GEMIN2: variants seen among roughly 807,000 people sequenced by gnomAD.
GEMIN2 encodes gem-associated protein 2.
In GEMIN2, 37 loss-of-function variants were observed where a neutral mutation model predicts 45.8. The observed-to-expected ratio is 0.81, with a 90% CI of 0.62 to 1.06. The LOEUF (loss-of-function observed/expected upper bound fraction) is 1.06. GEMIN2 is among the 50% of genes least tolerant of loss of function. The pLI is 0.00. For synonymous variants in GEMIN2, 101 were observed against 111.5 expected (o/e 0.91, Z 0.60); for missense variants, 335 against 321.8 (o/e 1.04, Z -0.31).
chr14:39,136,560 A>C lies in GEMIN2; in HGVS notation c.*81A>C. The stretch of plus-strand genomic sequence containing the variant: ...AGGAAAACAATGCCAATTCAAGTAC[A>C]GATTTCAACACATCTTCAACACTAT... On this transcript the variant is annotated 3_prime_UTR_variant, in exon 10 of 10. Coordinates refer to ENST00000308317, the MANE Select transcript of GEMIN2 (RefSeq NM_003616.3). 9.6e-7 allele frequency: 1 copy of C among 1,040,078 alleles called. No individual in the cohort carries two copies. The highest frequency in any genetic ancestry group is 1.5e-6 in the Non-Finnish European group (1 of 665,832). 64.4% of individuals were successfully genotyped at this position (1,040,078 alleles called of 1,614,324 possible).
chr14:39,117,930 T>C, intron 2 of GEMIN2, 69 bp from the exon 3 acceptor site: 1 of 712,370 alleles, frequency 1.4e-6, no homozygotes, highest in Non-Finnish European at 2.5e-6. Context: ...TTACTTTTGC[T>C]TTGCAGAGGC....
intron 2 of GEMIN2, 35 bp downstream of exon 2, chr14:39,114,948 A>C: frequency 1.1e-6 from 1 of 942,064 alleles, no homozygotes; most frequent in East Asian, 2.4e-5. Flanking sequence ...ATTACCCCCA[A>C]CCCCCCAATT....
chr14:39,115,049 C>G (rs2052484047), intron 2 of GEMIN2, 136 bp downstream of exon 2: 1 of 620,814 alleles, frequency 1.6e-6, no homozygotes, highest in East Asian at 2.8e-5. Flanking sequence ...TTCGCTTGTA[C>G]TTTTTCCTTC....
intron 7 of GEMIN2, 111 bp from the exon 8 acceptor site, chr14:39,131,847 T>C: frequency 1.6e-6 from 1 of 623,980 alleles, no homozygotes; most frequent in South Asian, 2.0e-5. Flanking sequence ...TATAGTTAAA[T>C]GTTCTATGAA....
intron 4 of GEMIN2, among the ~76,000 whole-genome samples, chr14:39,121,630 A>C (rs2052573905): frequency 6.6e-6 from 1 of 152,238 alleles, no homozygotes; most frequent in Non-Finnish European, 1.5e-5. Flanking sequence ...TAGGTGGATT[A>C]AACAACAGAA....
chr14:39,128,033 G>A (rs187608574), intron 6 of GEMIN2, among the ~76,000 whole-genome samples: 103 of 127,156 alleles, frequency 8.1e-4, no homozygotes, highest in African/African-American at 2.9e-3. Flanking sequence ...GCACCAGTGC[G>A]CTCCAGCCTG....
chr14:39,133,577 T>C, intron 8 of GEMIN2, 84 bp from the exon 9 acceptor site: 1 of 685,898 alleles, frequency 1.5e-6, no homozygotes, highest in South Asian at 2.1e-5. Context: ...GTTTTCATGT[T>C]TCGTGTTTTA....
At chr14:39,126,187 T>C (rs1386262269) in intron 6 of GEMIN2, among the ~76,000 whole-genome samples, 1 of 151,012 alleles carries the variant, frequency 6.6e-6, no homozygotes, top group East Asian at 1.9e-4. Flanking sequence ...TGGAAGCCTT[T>C]TTTTTTTTTT....
intron 4 of GEMIN2, among the ~76,000 whole-genome samples, chr14:39,121,728 T>G (rs1418408681): frequency 6.6e-6 from 1 of 152,130 alleles, no homozygotes; most frequent in African/African-American, 2.4e-5. Flanking sequence ...TTGTTTGTTT[T>G]TTGAGGCAGA....
intron 9 of GEMIN2, 147 bp from the exon 10 acceptor site, chr14:39,136,293 C>A (rs1390796282): frequency 2.1e-5 from 12 of 580,768 alleles, no homozygotes; most frequent in Non-Finnish European, 2.5e-5. Context: ...TTTATGGCTT[C>A]ATAATTTTCC....
chr14:39,133,441 C>G (rs886518449), intron 8 of GEMIN2, among the ~76,000 whole-genome samples: 1 of 149,312 alleles, frequency 6.7e-6, no homozygotes, highest in East Asian at 2.0e-4. Context: ...ATTTTTTTTT[C>G]CCTATTCAGA....
rs1282360923 is a variant in GEMIN2 at position 39,122,286 on chromosome 14, G to T, written c.373-144G>T. On this transcript the variant is annotated intron_variant, in intron 4 of 9. Coordinates refer to ENST00000308317, the MANE Select transcript of GEMIN2 (RefSeq NM_003616.3). The stretch of plus-strand genomic sequence containing the variant: ...GTTTAAGGTTTTAACATACAAATTT[G>T]GGGGCAGAGATTCTCCCCATAACTG... 2.0e-5 allele frequency: 12 copies of T among 596,874 alleles called. No individual in the cohort carries two copies. In the South Asian group the frequency reaches 2.4e-4, roughly 12 times the overall value. The allele number at this position is 596,874 out of a possible 1,614,324, so 37.0% of individuals were successfully genotyped here.
At chr14:39,122,626 CT>C (rs2052588068) in intron 5 of GEMIN2, 83 bp downstream of exon 5, 1 of 674,628 alleles carries the variant, frequency 1.5e-6, no homozygotes, top group South Asian at 1.9e-5. Flanking sequence ...AAACTCTACC[CT>C]GGGCCAAGTC....
At chr14:39,130,131 TAC>T (rs894126095) in intron 7 of GEMIN2, among the ~76,000 whole-genome samples, 2 of 151,830 alleles carry the variant, frequency 1.3e-5, no homozygotes, top group African/African-American at 4.8e-5. Flanking sequence ...ATGCTAGCTT[TAC>T]ATAGTAAATG....
At chr14:39,119,762 G>A (rs992509003) in intron 4 of GEMIN2, among the ~76,000 whole-genome samples, 2 of 152,184 alleles carry the variant, frequency 1.3e-5, no homozygotes, top group African/African-American at 2.4e-5. Context: ...CATACCATTT[G>A]GAAGCTCTGC....
At chr14:39,133,003 T>G (rs2052738171) in intron 8 of GEMIN2, among the ~76,000 whole-genome samples, 1 of 118,244 alleles carries the variant, frequency 8.5e-6, no homozygotes. Context: ...TGTGTGTGTA[T>G]ATATATGTGT....
At chr14:39,120,919 T>C (rs2052565962) in intron 4 of GEMIN2, among the ~76,000 whole-genome samples, 1 of 152,212 alleles carries the variant, frequency 6.6e-6, no homozygotes, top group Non-Finnish European at 1.5e-5. Flanking sequence ...AAAATGCACC[T>C]ATGCAAAGTA....
At chr14:39,132,980 G>GTGTGTGTGTGTGTGTGTGTATATATA (rs2052737349) in intron 8 of GEMIN2, among the ~76,000 whole-genome samples, 1 of 139,184 alleles carries the variant, frequency 7.2e-6, no homozygotes, top group South Asian at 2.2e-4. Flanking sequence ...CACCTGGTGT[G>GTGTGTGTGTGTGTGTGTGTATATATA]TGTGTGTGTG....
intron 4 of GEMIN2, 39 bp from the exon 5 acceptor site, chr14:39,122,391 A>G (rs768664341): frequency 8.7e-6 from 9 of 1,037,330 alleles, no homozygotes; most frequent in Non-Finnish European, 1.3e-5. Flanking sequence ...GTAAAAATTA[A>G]TACACAGGAA....
Sources: allele counts gnomAD v4.1 joint callset (sites outside exome capture counted in the v4.1 genomes callset), GRCh38; gene constraint gnomAD v4.1.1; transcripts MANE v1.5; gene names NCBI Gene and HGNC (gene_info 2026-07-23, HGNC 2026-07-21).